Variants in ALMS1 observed in about 807,000 individuals in gnomAD.
ALMS1 encodes ALMS1 centrosome and basal body associated protein, also known as centrosome-associated protein ALMS1.
A neutral mutation model predicts 352.2 loss-of-function variants in ALMS1; 271 were observed. The observed-to-expected ratio is 0.77, with a 90% CI of 0.70 to 0.85. ALMS1 has a LOEUF of 0.85. Ranked by LOEUF, ALMS1 falls within the 40% of genes least tolerant of loss-of-function variation. The pLI, the probability that ALMS1 is intolerant of heterozygous loss-of-function variation, is 0.00. For missense variants in ALMS1, 5,445 were observed against 4,870.7 expected (o/e 1.12, Z -3.51); for synonymous variants, 1,865 against 1,761.2 (o/e 1.06, Z -1.48).
At chr2:73,477,128 A>G (rs1195035432) in intron 9 of ALMS1, among the ~76,000 whole-genome samples, 2 of 152,026 alleles carry the variant, frequency 1.3e-5, no homozygotes, top group Non-Finnish European at 2.9e-5. Context: ...ATTTAGTCCA[A>G]TTTATCAACT....
At chr2:73,536,710 T>C (rs1413957815) in intron 12 of ALMS1, among the ~76,000 whole-genome samples, 1 of 152,168 alleles carries the variant, frequency 6.6e-6, no homozygotes, top group East Asian at 1.9e-4. Context: ...GCCAAATAAC[T>C]GTTCTTCAGT....
At chr2:73,604,797 G>A (rs1162588446) in intron 21 of ALMS1, among the ~76,000 whole-genome samples, 1 of 152,066 alleles carries the variant, frequency 6.6e-6, no homozygotes, top group Admixed American at 6.5e-5. Context: ...TTGCTGTGTT[G>A]GCTATTTGCA....
chr2:73,528,413 G>A (rs915736655), intron 11 of ALMS1, among the ~76,000 whole-genome samples: 3 of 152,012 alleles, frequency 2.0e-5, no homozygotes, highest in African/African-American at 4.8e-5. Flanking sequence ...TCCACCGTTG[G>A]GTCCATATAT....
At position 73,448,872 on chromosome 2, in the gene ALMS1, A is replaced by T; in HGVS notation, c.2345A>T (p.His782Leu). Residue 782 changes from histidine to leucine, a missense_variant, in exon 8 of 23, where the codon CAT (histidine) becomes CTT (leucine). Transcript: ENST00000613296. ...ILYPQDLADS[H>L]LPEEGLKVSA... ...TACCCACAGGACTTAGCAGACAGTCATCTACCTGAAGAGGGTCTGAAAGTT... is the reference window on the plus strand; with the variant it reads ...TACCCACAGGACTTAGCAGACAGTCTTCTACCTGAAGAGGGTCTGAAAGTT... 1 of 1,614,038 alleles carries T rather than the reference A, an allele frequency of 6.2e-7. No homozygotes were observed. Among genetic ancestry groups the T allele is most frequent in the Non-Finnish European group, 8.5e-7 (1 of 1,179,978 alleles).
chr2:73,424,932 T>A (rs765612392), intron 5 of ALMS1, 30 bp downstream of exon 5: 2 of 1,535,290 alleles, frequency 1.3e-6, no homozygotes, highest in Non-Finnish European at 1.8e-6. Context: ...TTCAGATTCA[T>A]CTGACACAAT....
chr2:73,505,159 T>C (rs999295832), intron 10 of ALMS1, among the ~76,000 whole-genome samples: 5 of 152,376 alleles, frequency 3.3e-5, no homozygotes, highest in African/African-American at 1.2e-4. Context: ...GTCTTTGTTA[T>C]TGTGAATAAT....
At chr2:73,482,689 C>G (rs1010729328) in intron 9 of ALMS1, among the ~76,000 whole-genome samples, 1 of 152,126 alleles carries the variant, frequency 6.6e-6, no homozygotes, top group Non-Finnish European at 1.5e-5. Context: ...TAGAATTCGG[C>G]TGTTAATCCA....
Position 73,449,022 on chromosome 2 carries a change from A to C in ALMS1, c.2495A>C (p.Glu832Ala). ...GCCTTGCTGGACAGCCATCTACCCGAAGAGGCTCTGAAAGTTTCAGCTGTT... is the reference window on the plus strand; with the variant it reads ...GCCTTGCTGGACAGCCATCTACCCGCAGAGGCTCTGAAAGTTTCAGCTGTT... ...QQALLDSHLP[E>A]EALKVSAVSG... The change falls in exon 8 of 23, where the codon GAA becomes GCA. Residue 832 changes from glutamate to alanine, a missense_variant. Physicochemically the swap from Glu to Ala is moderately radical, Grantham distance 107. Transcript: ENST00000613296. The C allele has an allele frequency of 6.2e-7, 1 of 1,614,004 alleles. No homozygotes were observed. The highest frequency in any genetic ancestry group is 8.5e-7 in the Non-Finnish European group (1 of 1,179,952).
intron 7 of ALMS1, among the ~76,000 whole-genome samples, chr2:73,440,235 A>G (rs1235013627): frequency 6.6e-6 from 1 of 151,906 alleles, no homozygotes; most frequent in Non-Finnish European, 1.5e-5. Flanking sequence ...CACCTGCCTC[A>G]GTCTCCCAAA....
At chr2:73,587,458 C>A (rs1185463397) in intron 16 of ALMS1, among the ~76,000 whole-genome samples, 1 of 152,078 alleles carries the variant, frequency 6.6e-6, no homozygotes, top group East Asian at 1.9e-4. Context: ...CCTTTCTATG[C>A]CGATTTTGCT....
chr2:73,433,989 C>A (rs1421931396), intron 7 of ALMS1, among the ~76,000 whole-genome samples: 1 of 151,922 alleles, frequency 6.6e-6, no homozygotes, highest in Non-Finnish European at 1.5e-5. Flanking sequence ...TTAAGTTTTC[C>A]CTTCTTTTGT....
intron 15 of ALMS1, among the ~76,000 whole-genome samples, chr2:73,572,005 G>A (rs1362155571): frequency 6.6e-6 from 1 of 152,108 alleles, no homozygotes; most frequent in East Asian, 1.9e-4. Context: ...GAGAACTGAA[G>A]TGCCTTCCTC....
intron 1 of ALMS1, among the ~76,000 whole-genome samples, chr2:73,403,880 A>C (rs1203239050): frequency 3.3e-5 from 5 of 152,006 alleles, no homozygotes; most frequent in African/African-American, 1.2e-4. Flanking sequence ...TTGATTTTGT[A>C]TCCTGCGGCT....
intron 9 of ALMS1, among the ~76,000 whole-genome samples, chr2:73,464,463 T>G (rs1343462916): frequency 2.0e-5 from 3 of 152,164 alleles, no homozygotes; most frequent in African/African-American, 7.2e-5. Context: ...ATAAGAGCTA[T>G]CTATGACAAA....
chr2:73,512,380 T>A (rs1673470992), intron 10 of ALMS1, among the ~76,000 whole-genome samples: 1 of 151,484 alleles, frequency 6.6e-6, no homozygotes, highest in Admixed American at 6.6e-5. Flanking sequence ...ACCACGCCTG[T>A]CCACTGTCAG....
intron 10 of ALMS1, among the ~76,000 whole-genome samples, chr2:73,495,220 A>ATTG (rs564873430): frequency 2.4e-4 from 36 of 151,584 alleles, no homozygotes; most frequent in Admixed American, 3.3e-4. Flanking sequence ...CCCTCTTTTT[A>ATTG]TTGTTGTTGT....
At chr2:73,425,776 C>A (rs1671366141) in intron 5 of ALMS1, among the ~76,000 whole-genome samples, 1 of 152,156 alleles carries the variant, frequency 6.6e-6, no homozygotes, top group Non-Finnish European at 1.5e-5. Context: ...TCAGTCTACT[C>A]CTGGGGTGTT....
chr2:73,385,836 C>A lies in ALMS1; in HGVS notation c.-33C>A, dbSNP rs1485814289. The A allele has an allele frequency of 4.3e-6, 3 of 701,008 alleles. No individual in the cohort carries two copies. In the East Asian group the frequency reaches 8.2e-5, roughly 19 times the overall value. The allele number at this position is 701,008 out of a possible 1,614,324, so 43.4% of individuals were successfully genotyped here. On this transcript the variant is annotated 5_prime_UTR_variant, in exon 1 of 23. Coordinates refer to ENST00000613296, the MANE Select transcript of ALMS1 (RefSeq NM_001378454.1). ...CCTTCCCCTCCCTCCCCCCCTCCTCCTCCTCCTCTGCCGCCCAGAGCGAGA... is the reference window on the plus strand; with the variant it reads ...CCTTCCCCTCCCTCCCCCCCTCCTCATCCTCCTCTGCCGCCCAGAGCGAGA...
intron 10 of ALMS1, among the ~76,000 whole-genome samples, chr2:73,511,279 C>T (rs989278184): frequency 9.4e-5 from 14 of 149,172 alleles, no homozygotes; most frequent in South Asian, 2.2e-4. Flanking sequence ...CCCAAATGGC[C>T]GCTCAGTTTT....
Sources: allele counts gnomAD v4.1 joint callset (sites outside exome capture counted in the v4.1 genomes callset), GRCh38; gene constraint gnomAD v4.1.1; transcripts MANE v1.5; gene names NCBI Gene and HGNC (gene_info 2026-07-23, HGNC 2026-07-21).